ERC1: variants seen among roughly 807,000 people sequenced by gnomAD.
ERC1 encodes the protein ELKS/RAB6-interacting/CAST family member 1, also known as RAB6 interacting protein 2.
A neutral mutation model predicts 132.0 loss-of-function variants in ERC1; 56 were observed. The observed-to-expected ratio is 0.42, with a 90% CI of 0.34 to 0.53. The LOEUF (loss-of-function observed/expected upper bound fraction) is 0.53. ERC1 is among the 20% of genes least tolerant of loss of function. The pLI is 0.03. For missense variants in ERC1, 1,202 were observed against 1,349.9 expected, an observed-to-expected ratio of 0.89 and a Z score of 1.72; for synonymous variants, 478 against 476.1, an observed-to-expected ratio of 1.00 and a Z score of -0.05.
chr12:1,244,783 TGCTGG>T, intron 13 of ERC1: 1 of 266,708 alleles, frequency 3.7e-6, no homozygotes, highest in Non-Finnish European at 7.6e-6. Flanking sequence ...CCTCTACAAG[TGCTGG>T]GATTACAGGT....
chr12:1,133,669 T>A (rs1948988106), intron 7 of ERC1, among the ~76,000 whole-genome samples: 1 of 152,200 alleles, frequency 6.6e-6, no homozygotes, highest in African/African-American at 2.4e-5. Flanking sequence ...AGTGTTGTGA[T>A]TTTTACTCTC....
intron 18 of ERC1, among the ~76,000 whole-genome samples, chr12:1,463,959 G>A (rs1776059299): frequency 6.6e-6 from 1 of 152,122 alleles, no homozygotes; most frequent in South Asian, 2.1e-4. Context: ...AGGTCCGGGG[G>A]AAGACAGGGT....
chr12:1,228,963 G>A (rs1232513142), intron 12 of ERC1, among the ~76,000 whole-genome samples: 1 of 152,162 alleles, frequency 6.6e-6, no homozygotes, highest in South Asian at 2.1e-4. Flanking sequence ...CTATTGACCT[G>A]TAATTTTCTT....
chr12:1,133,813 C>T (rs923709022), intron 7 of ERC1, among the ~76,000 whole-genome samples: 15 of 152,316 alleles, frequency 9.8e-5, no homozygotes, highest in Admixed American at 7.8e-4. Context: ...CTCCCTGTTC[C>T]TATCCCCAGC....
chr12:1,342,181 C>T lies in ERC1; in HGVS notation c.2781-29652C>T, dbSNP rs868259348. Among the ~76,000 whole-genome samples the T allele has an allele frequency of 5.3e-4, 81 of 151,946 alleles. 1 individual carries two copies. The highest frequency in any genetic ancestry group is 1.6e-3 in the African/African-American group (68 of 41,504). Reference sequence around the variant, plus strand: ...AAATTCAGTAAGCAAAAAGTTAATGCGGGCCGGGTGCGGTGGCTCACGCCT... The same window carrying T: ...AAATTCAGTAAGCAAAAAGTTAATGTGGGCCGGGTGCGGTGGCTCACGCCT... On this transcript the variant is annotated intron_variant, in intron 15 of 18. Transcript: ENST00000360905.
chr12:1,097,189 G>A (rs1944143666), intron 3 of ERC1, among the ~76,000 whole-genome samples: 1 of 152,094 alleles, frequency 6.6e-6, no homozygotes, highest in South Asian at 2.1e-4. Flanking sequence ...TCAGTGGAAT[G>A]ACTTCTCTCC....
chr12:1,328,936 C>G (rs2154357042), intron 15 of ERC1, among the ~76,000 whole-genome samples: 1 of 122,408 alleles, frequency 8.2e-6, no homozygotes. Context: ...ATTCTTGGAA[C>G]TTTTTAGAGG....
At chr12:1,400,985 G>T (rs927890279) in intron 16 of ERC1, among the ~76,000 whole-genome samples, 2 of 120,220 alleles carry the variant, frequency 1.7e-5, no homozygotes, top group Non-Finnish European at 3.2e-5. Flanking sequence ...GCCCAGGCTG[G>T]AGTGCAGTGG....
At chr12:1,391,847 G>A (rs1169358098) in intron 16 of ERC1, among the ~76,000 whole-genome samples, 5 of 152,182 alleles carry the variant, frequency 3.3e-5, no homozygotes, top group Admixed American at 3.3e-4. Flanking sequence ...GTGCCTGTTG[G>A]CATTTCCTGG....
chr12:1,109,309 A>G (rs191506663), intron 4 of ERC1, among the ~76,000 whole-genome samples: 58 of 152,366 alleles, frequency 3.8e-4, no homozygotes, highest in African/African-American at 1.3e-3. Flanking sequence ...TTTTAAATGT[A>G]TGAAGTACAG....
intron 5 of ERC1, among the ~76,000 whole-genome samples, chr12:1,110,628 G>A (rs992183992): frequency 6.6e-6 from 1 of 152,122 alleles, no homozygotes; most frequent in South Asian, 2.1e-4. Flanking sequence ...TAGTACTTCC[G>A]AAAAACTTCC....
chr12:1,103,588 A>G (rs1423315912), intron 3 of ERC1, among the ~76,000 whole-genome samples: 2 of 152,146 alleles, frequency 1.3e-5, no homozygotes, highest in South Asian at 4.1e-4. Context: ...GATTTTGGGT[A>G]TGTTTTGAAG....
chr12:1,385,039 C>T (rs551221894), intron 16 of ERC1, among the ~76,000 whole-genome samples: 1 of 152,174 alleles, frequency 6.6e-6, no homozygotes, highest in Non-Finnish European at 1.5e-5. Context: ...TACGAGTACA[C>T]CCAAAGTGCA....
At chr12:1,464,804 G>A (rs1318803764) in intron 18 of ERC1, among the ~76,000 whole-genome samples, 3 of 152,086 alleles carry the variant, frequency 2.0e-5, no homozygotes, top group East Asian at 3.9e-4. Context: ...ACAGGCGTGA[G>A]CCACGGTGCA....
At chr12:1,191,871 A>C (rs1268048142) in intron 12 of ERC1, among the ~76,000 whole-genome samples, 2 of 151,946 alleles carry the variant, frequency 1.3e-5, no homozygotes, top group Non-Finnish European at 2.9e-5. Flanking sequence ...AAAAAGGAAC[A>C]GCTTTCATAA....
At chr12:1,401,551 C>G (rs2091064980) in intron 16 of ERC1, among the ~76,000 whole-genome samples, 1 of 152,096 alleles carries the variant, frequency 6.6e-6, no homozygotes, top group South Asian at 2.1e-4. Context: ...AGCTCTAGCC[C>G]TGTGACTTAT....
chr12:1,452,863 A>G lies in ERC1; in HGVS notation c.3213+8113A>G, dbSNP rs78165445. Among the ~76,000 whole-genome samples the G allele has an allele frequency of 1.0e-3, 156 of 152,278 alleles. 3 individuals carry two copies. In the East Asian group the frequency reaches 0.024, roughly 23 times the overall value. On this transcript the variant is annotated intron_variant, in intron 18 of 18. Transcript: ENST00000360905. ...TGGGGACTGAATCAAATAACTCACT[A>G]ATTGAGCTGGGTTTGGGCTTCTTTC...
At chr12:1,256,201 A>G (rs2076800104) in intron 13 of ERC1, among the ~76,000 whole-genome samples, 1 of 151,542 alleles carries the variant, frequency 6.6e-6, no homozygotes, top group Admixed American at 6.6e-5. Context: ...TTGCCTGTTC[A>G]CTCTGATGAA....
intron 8 of ERC1, among the ~76,000 whole-genome samples, chr12:1,170,864 A>T (rs1952981224): frequency 2.6e-5 from 4 of 152,180 alleles, no homozygotes; most frequent in African/African-American, 9.7e-5. Context: ...TAAGGGCTAT[A>T]CCATTCCTGT....
Sources: gnomAD v4.1 joint callset for allele counts (sites outside exome capture counted in the v4.1 genomes callset) on GRCh38, gnomAD v4.1.1 for gene constraint, MANE v1.5 for transcripts, NCBI Gene and HGNC (gene_info 2026-07-23, HGNC 2026-07-21) for gene names.